MYH14: variants seen among roughly 807,000 people sequenced by gnomAD.
MYH14 encodes myosin-14.
In MYH14, 123 loss-of-function variants were observed where a neutral mutation model predicts 255.5. The ratio of observed to expected loss-of-function variants is 0.48; its 90% CI spans 0.42 to 0.56. MYH14 has a LOEUF of 0.56. Ranked by LOEUF, MYH14 falls within the 20% of genes least tolerant of loss-of-function variation. MYH14 has a pLI of 0.00. For missense variants in MYH14, 2,423 were observed against 2,802.3 expected, an observed-to-expected ratio of 0.86 and a Z score of 3.06; for synonymous variants, 1,095 against 1,161.2, an observed-to-expected ratio of 0.94 and a Z score of 1.16.
At position 50,203,640 on chromosome 19, in the gene MYH14, A is replaced by T. The variant is rs2031565563; in HGVS notation, c.-35A>T. 1.3e-5 allele frequency: 2 copies of T among 152,222 alleles called. No individual in the cohort carries two copies. The highest frequency in any genetic ancestry group is 6.5e-5 in the Admixed American group (1 of 15,280). 9.4% of individuals were successfully genotyped at this position (152,222 alleles called of 1,614,324 possible). ...GGCGGACACGCCCCTCTTTCTCCCC[A>T]GGCCGAAGCCTCGGGACGGCCCTGG... is the stretch of plus-strand genomic sequence containing the variant. On this transcript the variant is annotated 5_prime_UTR_variant, in exon 1 of 43. Transcript: ENST00000642316.
At chr19:50,261,763 G>A (rs1046787292) in intron 21 of MYH14, 128 bp downstream of exon 21, 15 of 763,536 alleles carry the variant, frequency 2.0e-5, no homozygotes, top group African/African-American at 5.5e-5. Flanking sequence ...GGATGGAGGT[G>A]CCGGGTGTCC....
intron 42 of MYH14, 113 bp from the exon 43 acceptor site, chr19:50,309,527 C>T: frequency 1.3e-6 from 1 of 742,664 alleles, no homozygotes. Flanking sequence ...TTATTTTGTT[C>T]TCTCTCTTCC....
Position 50,310,187 on chromosome 19 carries a change from CT to C in MYH14, c.*398del. 1 of 286,170 alleles carries C rather than the reference CT, an allele frequency of 3.5e-6. No individual in the cohort carries two copies. The allele number at this position is 286,170 out of a possible 1,614,324, so 17.7% of individuals were successfully genotyped here. A position where few individuals can be genotyped will look rare whatever the true frequency, so the allele number is the denominator to read the frequency against. ...TCCCTCTGCTTCTCTCTCTCTCTCT[CT>C]CTCTCCCTCCCTCTCCTTCCCTACC... On this transcript the variant is annotated 3_prime_UTR_variant, in exon 43 of 43. Transcript: ENST00000642316.
intron 27 of MYH14, among the ~76,000 whole-genome samples, chr19:50,273,554 G>T (rs1042503160): frequency 6.6e-6 from 1 of 151,826 alleles, no homozygotes; most frequent in Non-Finnish European, 1.5e-5. Flanking sequence ...TTTCGGAGAT[G>T]TTAAAATGTG....
chr19:50,243,778 T>C (rs1338216980), intron 10 of MYH14, among the ~76,000 whole-genome samples: 1 of 152,232 alleles, frequency 6.6e-6, no homozygotes, highest in Admixed American at 6.5e-5. Context: ...TAGAAGTCTT[T>C]CCATATCACT....
At chr19:50,248,886 C>A in intron 12 of MYH14, 101 bp from the exon 13 acceptor site, 1 of 1,321,720 alleles carries the variant, frequency 7.6e-7, no homozygotes, top group Non-Finnish European at 1.1e-6. Flanking sequence ...GGGAGGCGAC[C>A]TTAAGGGGGA....
intron 24 of MYH14, among the ~76,000 whole-genome samples, chr19:50,268,872 G>A (rs2035193579): frequency 6.6e-6 from 1 of 152,204 alleles, no homozygotes; most frequent in South Asian, 2.1e-4. Flanking sequence ...TCCGTCTCCT[G>A]GCTGCATTCA....
intron 35 of MYH14, among the ~76,000 whole-genome samples, chr19:50,289,982 T>TTGC (rs200462358): frequency 1.3e-5 from 2 of 152,218 alleles, no homozygotes; most frequent in East Asian, 3.9e-4. Flanking sequence ...TGTTGACCTG[T>TTGC]TGCTGTACCC....
At chr19:50,242,161 C>G (rs2033919051) in intron 10 of MYH14, among the ~76,000 whole-genome samples, 1 of 152,180 alleles carries the variant, frequency 6.6e-6, no homozygotes, top group African/African-American at 2.4e-5. Context: ...AAACACCCGA[C>G]CCCTCCACAA....
intron 34 of MYH14, 132 bp downstream of exon 34, chr19:50,286,826 A>C: frequency 1.1e-6 from 1 of 939,938 alleles, no homozygotes; most frequent in Non-Finnish European, 1.6e-6. Flanking sequence ...AGAGAACAAG[A>C]GGGCTGGGCA....
At chr19:50,296,579 C>A (rs2036273289) in intron 39 of MYH14, among the ~76,000 whole-genome samples, 1 of 152,152 alleles carries the variant, frequency 6.6e-6, no homozygotes, top group South Asian at 2.1e-4. Context: ...TCCACTCCAG[C>A]CTGGGCAACA....
intron 1 of MYH14, among the ~76,000 whole-genome samples, chr19:50,207,590 G>C (rs1027592188): frequency 3.3e-5 from 5 of 152,142 alleles, no homozygotes; most frequent in African/African-American, 7.2e-5. Flanking sequence ...TCTCGTACTT[G>C]AAAGTCCTCA....
chr19:50,248,127 C>G (rs946943172), intron 12 of MYH14, among the ~76,000 whole-genome samples: 2 of 150,706 alleles, frequency 1.3e-5, no homozygotes, highest in Admixed American at 1.3e-4. Flanking sequence ...GGCTGAAGAG[C>G]AAGGGAGAGA....
chr19:50,214,730 A>G (rs2032379880), intron 2 of MYH14, among the ~76,000 whole-genome samples: 1 of 152,124 alleles, frequency 6.6e-6, no homozygotes, highest in Non-Finnish European at 1.5e-5. Context: ...GCAGTGAGCC[A>G]GGATCGTGCC....
chr19:50,289,027 G>A (rs1001667223), intron 34 of MYH14, among the ~76,000 whole-genome samples: 73 of 151,606 alleles, frequency 4.8e-4, no homozygotes, highest in African/African-American at 1.7e-3. Context: ...GCAAACACCA[G>A]CACTGATGAC....
intron 19 of MYH14, among the ~76,000 whole-genome samples, chr19:50,259,834 C>T (rs888917316): frequency 2.6e-5 from 4 of 151,942 alleles, no homozygotes; most frequent in South Asian, 4.1e-4. Context: ...GCCGAGATTG[C>T]GCCATTGCAC....
At chr19:50,277,917 CAAA>C (rs11365121) in intron 29 of MYH14, among the ~76,000 whole-genome samples, 163 bp from the exon 30 acceptor site, 3 of 122,182 alleles carry the variant, frequency 2.5e-5, no homozygotes, top group African/African-American at 2.9e-5. Context: ...AGCACTGTCT[CAAA>C]AAAAAAAAAA....
intron 32 of MYH14, 114 bp from the exon 33 acceptor site, chr19:50,281,480 C>A: frequency 6.9e-7 from 1 of 1,439,664 alleles, no homozygotes; most frequent in Non-Finnish European, 9.3e-7. Context: ...AGCAGAATGA[C>A]CCCTTTCCCT....
At position 50,281,795 on chromosome 19, in the gene MYH14, C is replaced by T. The variant is rs764430467; in HGVS notation, c.4492C>T (p.Arg1498Trp). The T allele has an allele frequency of 8.1e-6, 13 of 1,612,564 alleles. No homozygotes were observed. The highest frequency in any genetic ancestry group is 6.7e-5 in the Admixed American group (4 of 59,974). ...CGCCACCATGGACCTGGAGCAGCAGCGGCAGCTTGTGAGCACCCTGGAGAA... is the reference window on the plus strand; with the variant it reads ...CGCCACCATGGACCTGGAGCAGCAGTGGCAGCTTGTGAGCACCCTGGAGAA... ...DDATMDLEQQRQLVSTLEKKQ... is the reference protein window; with the variant it reads ...DDATMDLEQQWQLVSTLEKKQ... The change falls in exon 33 of 43, where the codon CGG (arginine) becomes TGG (tryptophan). Residue 1498 changes from arginine (R) to tryptophan (W), a missense_variant. By Grantham distance (101) the Arg-to-Trp change is moderately radical (BLOSUM62 -3). This residue lies in a region of MYH14 where 1,513 missense variants were observed against 1,674.8 expected (regional missense o/e 0.90). Coordinates refer to ENST00000642316, the MANE Select transcript of MYH14 (RefSeq NM_001145809.2).
Sources: gnomAD v4.1 joint callset for allele counts (sites outside exome capture counted in the v4.1 genomes callset) on GRCh38, gnomAD v4.1.1 for gene constraint, gnomAD v4.1.1 regional missense constraint, MANE v1.5 for transcripts, NCBI Gene and HGNC (gene_info 2026-07-23, HGNC 2026-07-21) for gene names.